ARAP2: variants seen among roughly 807,000 people sequenced by gnomAD.
ARAP2 encodes the protein arf-GAP with Rho-GAP domain, ANK repeat and PH domain-containing protein 2.
A neutral mutation model predicts 194.5 loss-of-function variants in ARAP2; 148 were observed. The ratio of observed to expected loss-of-function variants is 0.76; its 90% CI spans 0.67 to 0.87. The LOEUF (loss-of-function observed/expected upper bound fraction) is 0.87, where lower values mean the gene tolerates loss of function less well. Ranked by LOEUF, ARAP2 falls within the 40% of genes least tolerant of loss-of-function variation. The pLI is 0.00. For missense variants in ARAP2, 2,128 were observed against 1,989.7 expected (o/e 1.07, Z -1.32); for synonymous variants, 695 against 683.5 (o/e 1.02, Z -0.26).
intron 32 of ARAP2, among the ~76,000 whole-genome samples, chr4:36,073,313 G>T (rs1727472509): frequency 6.6e-6 from 1 of 152,102 alleles, no homozygotes; most frequent in African/African-American, 2.4e-5. Flanking sequence ...TATATTACTA[G>T]AAAGTTTAGT....
At chr4:36,132,911 C>T (rs779410421) in intron 20 of ARAP2, among the ~76,000 whole-genome samples, 9 of 151,678 alleles carry the variant, frequency 5.9e-5, no homozygotes, top group Non-Finnish European at 1.2e-4. Flanking sequence ...AGTCTTCAAT[C>T]TACTATTTTT....
chr4:36,085,359 A>G (rs888091942), intron 28 of ARAP2, among the ~76,000 whole-genome samples: 1 of 151,988 alleles, frequency 6.6e-6, no homozygotes, highest in African/African-American at 2.4e-5. Context: ...TCTTTTGTCA[A>G]TCTGGAATAC....
chr4:36,151,064 C>A lies in ARAP2; in HGVS notation c.2753-20G>T. Reference sequence around the variant, plus strand: ...TTGTCTCTAAGAATTTGAAACAAAACAAATAACAAATTGAGCTAATCACGA... The same window carrying A: ...TTGTCTCTAAGAATTTGAAACAAAAAAAATAACAAATTGAGCTAATCACGA... On this transcript the variant is annotated intron_variant, in intron 15 of 32. Coordinates refer to ENST00000303965, the MANE Select transcript of ARAP2 (RefSeq NM_015230.4). 6.4e-6 allele frequency: 10 copies of A among 1,572,364 alleles called. No individual in the cohort carries two copies. The highest frequency in any genetic ancestry group is 1.2e-5 in the South Asian group (1 of 82,474).
chr4:36,092,473 G>A (rs187642814), intron 27 of ARAP2, among the ~76,000 whole-genome samples: 4 of 152,266 alleles, frequency 2.6e-5, no homozygotes, highest in African/African-American at 9.6e-5. Flanking sequence ...GCCAGGTGTG[G>A]TGGCACATGC....
chr4:36,178,929 G>A (rs887530670), intron 8 of ARAP2, among the ~76,000 whole-genome samples: 1 of 152,134 alleles, frequency 6.6e-6, no homozygotes, highest in African/African-American at 2.4e-5. Flanking sequence ...CTGGAATTTG[G>A]AAGAGGGAAG....
At chr4:36,014,303 AAGGAAG>A (rs1221425688) in intron 8 of ARAP2, among the ~76,000 whole-genome samples, 7 of 122,688 alleles carry the variant, frequency 5.7e-5, no homozygotes, top group African/African-American at 1.6e-4. Context: ...GAAAGAAGAG[AAGGAAG>A]GAAAGAAAGA....
chr4:36,177,099 C>T (rs1472613521), intron 9 of ARAP2, among the ~76,000 whole-genome samples: 1 of 150,910 alleles, frequency 6.6e-6, no homozygotes, highest in African/African-American at 2.4e-5. Flanking sequence ...ATATTAAAAA[C>T]AAGGAATTTT....
intron 6 of ARAP2, among the ~76,000 whole-genome samples, chr4:36,207,310 ACTTAT>A (rs1745764451): frequency 6.6e-6 from 1 of 152,362 alleles, no homozygotes; most frequent in Admixed American, 6.5e-5. Flanking sequence ...AGCAAGTATC[ACTTAT>A]TAAGCTTTTC....
intron 3 of ARAP2, among the ~76,000 whole-genome samples, chr4:36,050,176 A>T (rs1722433510): frequency 6.6e-6 from 1 of 152,214 alleles, no homozygotes; most frequent in Non-Finnish European, 1.5e-5. Context: ...TAATAACTCT[A>T]ACCACAACAG....
rs373248659 is a variant in ARAP2, at chr4:36,083,353, C to T, written c.4508+15G>A. On this transcript the variant is annotated intron_variant, in intron 29 of 32. Transcript: ENST00000303965. The stretch of plus-strand genomic sequence containing the variant: ...CATAAGTTTTTCCTTTCAGCACTTC[C>T]CTTTCAAACTTTACCTTGTTGGAGG... 131 of 1,577,394 alleles carry T rather than the reference C, an allele frequency of 8.3e-5. No homozygotes were observed. In the East Asian group the frequency reaches 2.7e-3, roughly 32 times the overall value.
chr4:36,012,589 C>T (rs1350498982), exon 9 of ARAP2: 1 of 152,194 alleles, frequency 6.6e-6, no homozygotes, highest in Non-Finnish European at 1.5e-5. Flanking sequence ...CTCATCCATC[C>T]ATGTTCTTCA....
rs541515409 is a variant in ARAP2 at position 36,068,054 on chromosome 4, T to C, written c.4968A>G (p.Thr1656=). The part of the protein sequence containing the change: ...GQPKGHKGLK[T]LRKTEDRNSK... ...TATTCCTGTCCTCAGTCTTCCTCAA[T>C]GTCTTTAGGCCTTTATGGCCTTTTG... is the stretch of plus-strand genomic sequence containing the variant. The change falls in exon 33 of 33, where the codon ACA becomes ACG. Residue 1656 remains threonine (T), a synonymous_variant. Transcript: ENST00000303965. 28 of 1,614,176 alleles carry C rather than the reference T, an allele frequency of 1.7e-5. No homozygotes were observed. In the East Asian group the frequency reaches 4.7e-4, roughly 27 times the overall value.
chr4:36,162,503 G>GA (rs1484671137), intron 11 of ARAP2, among the ~76,000 whole-genome samples: 2 of 151,192 alleles, frequency 1.3e-5, no homozygotes, highest in East Asian at 3.9e-4. Context: ...AGCTGAGAAG[G>GA]AAAAAAAGTG....
intron 2 of ARAP2, among the ~76,000 whole-genome samples, chr4:36,220,109 TG>T (rs974618900): frequency 1.3e-4 from 20 of 152,180 alleles, no homozygotes; most frequent in Non-Finnish European, 7.4e-5. Flanking sequence ...AACCCTTGAG[TG>T]GAGCAGTACT....
rs1213965232 is a variant in ARAP2 at position 36,207,732 on chromosome 4, T to C, written c.1487+2658A>G. On this transcript the variant is annotated intron_variant, in intron 6 of 32. Coordinates refer to ENST00000303965, the MANE Select transcript of ARAP2 (RefSeq NM_015230.4). ...TAGTTTTTAAATTGTATTTTGACAA[T>C]TGTATTTTGATAATTTATGTGCATG... Among the ~76,000 whole-genome samples the C allele has an allele frequency of 1.3e-5, 2 of 152,146 alleles. 1 individual carries two copies.
chr4:36,043,844 G>GGAAGGGAAGGCAAGGGAACGGAAGGGAA (rs1553875669), intron 5 of ARAP2, among the ~76,000 whole-genome samples: 7 of 36,928 alleles, frequency 1.9e-4, no homozygotes, highest in Admixed American at 3.1e-4. Context: ...GGGAGGGGAG[G>GGAAGGGAAGGCAAGGGAACGGAAGGGAA]GGGGAGGGGA....
At chr4:36,061,773 C>T (rs1724482996), downstream of ARAP2, among the ~76,000 whole-genome samples, 1 of 152,072 alleles carries the variant, frequency 6.6e-6, no homozygotes, top group South Asian at 2.1e-4. Flanking sequence ...TACATTCCCA[C>T]CAAGAAGTTT....
chr4:36,068,170 G>A lies in ARAP2; in HGVS notation c.4852C>T (p.His1618Tyr), dbSNP rs1725935872. The A allele has an allele frequency of 6.2e-7, 1 of 1,613,766 alleles. No individual in the cohort carries two copies. Among genetic ancestry groups the A allele is most frequent in the Non-Finnish European group, 8.5e-7 (1 of 1,179,702 alleles). The change falls in exon 33 of 33, where the codon CAC becomes TAC. Residue 1618 changes from histidine to tyrosine, a missense_variant. His to Tyr is a moderately conservative substitution (Grantham distance 83). Coordinates refer to ENST00000303965, the MANE Select transcript of ARAP2 (RefSeq NM_015230.4). ...RASMVAHCLE[H>Y]KDDKLRNRPR... ...CGATTTCGAAGTTTATCGTCCTTGT[G>A]CTCCAGGCAGTGGGCCACCATGGAA...
chr4:36,166,884 A>C (rs752114138), intron 10 of ARAP2, 48 bp downstream of exon 10: 1 of 1,207,880 alleles, frequency 8.3e-7, no homozygotes, highest in African/African-American at 1.5e-5. Flanking sequence ...TGGATCACCC[A>C]AGCTTTCCTA....
Sources: gnomAD v4.1 joint callset for allele counts (sites outside exome capture counted in the v4.1 genomes callset) on GRCh38, gnomAD v4.1.1 for gene constraint, MANE v1.5 for transcripts, NCBI Gene and HGNC (gene_info 2026-07-23, HGNC 2026-07-21) for gene names.